The following ZFP92 variants were observed in gnomAD, a reference collection of about 807,000 sequenced individuals.
ZFP92 encodes the protein ZFP92 zinc finger protein.
Under a neutral mutation model 7.6 loss-of-function variants are expected in ZFP92, and 2 were observed. The ratio of observed to expected loss-of-function variants is 0.26; its 90% CI spans 0.11 to 0.83. The LOEUF is 0.83. ZFP92 is among the 40% of genes least tolerant of loss of function. ZFP92 has a pLI of 0.65. For missense variants in ZFP92, 324 were observed against 408.3 expected, an observed-to-expected ratio of 0.79 and a Z score of 1.78; for synonymous variants, 226 against 183.6, an observed-to-expected ratio of 1.23 and a Z score of -1.87.
rs1166478463 is a variant in ZFP92, at chrX:153,418,307, C to T, written c.-16C>T. The T allele has an allele frequency of 1.7e-6, 2 of 1,165,763 alleles. No homozygotes were observed. Among genetic ancestry groups the T allele is most frequent in the African/African-American group, 1.8e-5 (1 of 55,589 alleles). ...GGGGCTCTTTGCATTTCCCTTAGCT[C>T]CTCTGCGCCCTGGTGATGGCAGCCA... On this transcript the variant is annotated splice_region_variant and 5_prime_UTR_variant, in exon 3 of 6. Transcript: ENST00000338647.
intron 2 of ZFP92, among the ~76,000 whole-genome samples, chrX:153,414,990 C>T (rs966550370): frequency 1.8e-5 from 2 of 113,502 alleles, no homozygotes; most frequent in Admixed American, 9.2e-5. Context: ...ACCCGGGGAC[C>T]GGGAAACAGC....
In ZFP92 at chrX:153,420,229, A is replaced by G. The variant is rs1206349782; in HGVS notation, c.162A>G (p.Gly54=). Residue 54 remains glycine, a splice_region_variant and synonymous_variant, in exon 5 of 6, where the codon GGA becomes GGG. Transcript: ENST00000338647. ...ACCTGCTTCATATTCCACGCCCAGG[A>G]TTTTCCTTCTCCAAGCCTCACCTGA... ...LENYSHLVSL[G]FSFSKPHLIS... The G allele has an allele frequency of 8.6e-6, 10 of 1,163,812 alleles. No individual in the cohort carries two copies. The highest frequency in any genetic ancestry group is 1.1e-5 in the Non-Finnish European group (10 of 871,487).
chrX:153,413,188 CA>C (rs1403358263), intron 2 of ZFP92, among the ~76,000 whole-genome samples: 5 of 108,876 alleles, frequency 4.6e-5, no homozygotes, highest in African/African-American at 1.7e-4. Flanking sequence ...TGAAAAAGCC[CA>C]AATTCCTGCT....
chrX:153,418,145 G>C (rs1437703712), intron 2 of ZFP92, among the ~76,000 whole-genome samples, 160 bp from the exon 3 acceptor site: 1 of 112,297 alleles, frequency 8.9e-6, no homozygotes. Context: ...CAGAAGGTCT[G>C]ATGGTGAGGG....
intron 2 of ZFP92, among the ~76,000 whole-genome samples, chrX:153,412,702 G>A (rs1184330230): frequency 8.9e-6 from 1 of 111,903 alleles, no homozygotes; most frequent in Non-Finnish European, 1.9e-5. Flanking sequence ...GCTCAAGGGA[G>A]CAAGAGTGTG....
rs1001339850 is a variant in ZFP92, at chrX:153,422,623, C to T, written c.*995C>T. On this transcript the variant is annotated 3_prime_UTR_variant, in exon 6 of 6. Transcript: ENST00000338647. Reference sequence around the variant, plus strand: ...CACTTACCTGCTCCTCCCCATCAGGCAGCCTCTCTTGCGGCTGGTGACGAT... The same window carrying T: ...CACTTACCTGCTCCTCCCCATCAGGTAGCCTCTCTTGCGGCTGGTGACGAT... The T allele has an allele frequency of 9.0e-6, 1 of 110,520 alleles. No individual in the cohort carries two copies. Among genetic ancestry groups the T allele is most frequent in the African/African-American group, 3.3e-5 (1 of 30,310 alleles). The allele number at this position is 110,520 out of a possible 1,213,427, so 9.1% of individuals were successfully genotyped here.
At position 153,424,889 on chromosome X, in the gene ZFP92, G is replaced by A. The variant is rs1054268579; in HGVS notation, c.*3261G>A. 5 of 112,994 alleles carry A rather than the reference G, an allele frequency of 4.4e-5. No individual in the cohort carries two copies. The highest frequency in any genetic ancestry group is 1.6e-4 in the African/African-American group (5 of 31,114). 9.3% of individuals were successfully genotyped at this position (112,994 alleles called of 1,213,427 possible). A position where few individuals can be genotyped will look rare whatever the true frequency, so the allele number is the denominator to read the frequency against. On this transcript the variant is annotated 3_prime_UTR_variant, in exon 6 of 6. Coordinates refer to ENST00000338647, the MANE Select transcript of ZFP92 (RefSeq NM_001136273.2). ...TTTAAACTACATGGATAGGCCTTGG[G>A]TTCAAGGTTACAGGAAAGGCTGTAA...
Position 153,420,998 on chromosome X carries a change from C to G in ZFP92, c.621C>G (p.Pro207=). ...AGCGCATCCACAGCGGCGAGAAGCCCTACGCCTGCCCCGAGTGCAGCAAGA... is the reference window on the plus strand; with the variant it reads ...AGCGCATCCACAGCGGCGAGAAGCCGTACGCCTGCCCCGAGTGCAGCAAGA... ...EHQRIHSGEK[P]YACPECSKTF... is the part of the protein sequence containing the mutation. The change falls in exon 6 of 6, where the codon CCC becomes CCG. Residue 207 remains proline, a synonymous_variant. Coordinates refer to ENST00000338647, the MANE Select transcript of ZFP92 (RefSeq NM_001136273.2). 1 of 1,200,799 alleles carries G rather than the reference C, an allele frequency of 8.3e-7. No individual in the cohort carries two copies. The highest frequency in any genetic ancestry group is 1.1e-6 in the Non-Finnish European group (1 of 889,914).
chrX:153,416,639 G>A (rs149827077), intron 2 of ZFP92, among the ~76,000 whole-genome samples: 1 of 112,047 alleles, frequency 8.9e-6, no homozygotes, highest in East Asian at 2.8e-4. Flanking sequence ...AGGCAGAGAA[G>A]CAGAGAAACC....
chrX:153,420,635 C>G lies in ZFP92; in HGVS notation c.266-8C>G, dbSNP rs1161902746. Reference sequence around the variant, plus strand: ...AGGGTGACACTGCCTGGTGCTCTGTCTTTCCAGGTGACAGAACACAGAGCA... The same window carrying G: ...AGGGTGACACTGCCTGGTGCTCTGTGTTTCCAGGTGACAGAACACAGAGCA... On this transcript the variant is annotated splice_region_variant and splice_polypyrimidine_tract_variant and intron_variant, in intron 5 of 5. Transcript: ENST00000338647. The G allele has an allele frequency of 3.6e-6, 4 of 1,105,046 alleles. No individual in the cohort carries two copies. Among genetic ancestry groups the G allele is most frequent in the Non-Finnish European group, 4.7e-6 (4 of 843,455 alleles). The allele number at this position is 1,105,046 out of a possible 1,213,427, so 91.1% of individuals were successfully genotyped here.
chrX:153,420,422 G>A, intron 5 of ZFP92, 90 bp downstream of exon 5: 2 of 947,663 alleles, frequency 2.1e-6, no homozygotes, highest in South Asian at 5.0e-5. Flanking sequence ...TGCCGCTTTG[G>A]GTGGGAAATC....
At chrX:153,416,512 A>G (rs1472949157) in intron 2 of ZFP92, among the ~76,000 whole-genome samples, 1 of 111,295 alleles carries the variant, frequency 9.0e-6, no homozygotes, top group African/African-American at 3.3e-5. Flanking sequence ...GTCCTTCTCT[A>G]TGCTCCTGGG....
Position 153,418,337 on chromosome X carries a change from C to T in ZFP92, c.15C>T (p.Leu5=). 2 of 1,167,843 alleles carry T rather than the reference C, an allele frequency of 1.7e-6. No homozygotes were observed. Among genetic ancestry groups the T allele is most frequent in the Non-Finnish European group, 2.3e-6 (2 of 872,999 alleles). Residue 5 remains leucine (L), a synonymous_variant, in exon 3 of 6, where the codon CTC becomes CTT. Transcript: ENST00000338647. ...GCGCCCTGGTGATGGCAGCCATTCTCCTGACCACGAGACCCAAGGTGAGTG... is the reference window on the plus strand; with the variant it reads ...GCGCCCTGGTGATGGCAGCCATTCTTCTGACCACGAGACCCAAGGTGAGTG... MAAI[L]LTTRPKVPVS... is the part of the protein sequence containing the mutation.
In ZFP92 at chrX:153,421,239, G is replaced by A. The variant is rs1556975058; in HGVS notation, c.862G>A (p.Gly288Ser). 1.3e-5 allele frequency: 15 copies of A among 1,179,166 alleles called. No individual in the cohort carries two copies. The highest frequency in any genetic ancestry group is 1.6e-5 in the Non-Finnish European group (14 of 879,599). Residue 288 changes from glycine (G) to serine (S), a missense_variant, in exon 6 of 6, where the codon GGC becomes AGC. Transcript: ENST00000338647. ...CATCGAGCACCAGCGCACGCACCGCGGCGAGAAGCCCTACGCCTGCGGCCA... is the reference window on the plus strand; with the variant it reads ...CATCGAGCACCAGCGCACGCACCGCAGCGAGAAGCCCTACGCCTGCGGCCA... ...NLIEHQRTHRGEKPYACGQCA... is the reference protein window; with the variant it reads ...NLIEHQRTHRSEKPYACGQCA...
rs1556975086 is a variant in ZFP92, at chrX:153,421,322, C to T, written c.945C>T (p.Ser315=). 3.4e-6 allele frequency: 4 copies of T among 1,168,569 alleles called. No homozygotes were observed. Among genetic ancestry groups the T allele is most frequent in the East Asian group, 3.2e-5 (1 of 31,233 alleles). Residue 315 remains serine, a synonymous_variant, in exon 6 of 6, where the codon AGC becomes AGT. Transcript: ENST00000338647. The part of the protein sequence containing the change: ...SQLIHHQRSH[S]GERPFACREC... ...TCATCCACCACCAGCGCAGCCACAG[C>T]GGCGAGCGGCCCTTCGCGTGCCGCG...
chrX:153,416,899 T>G (rs1218463564), intron 2 of ZFP92, among the ~76,000 whole-genome samples: 5 of 111,168 alleles, frequency 4.5e-5, no homozygotes, highest in Non-Finnish European at 9.4e-5. Context: ...TGTGCAGAGA[T>G]CACGTGGCCA....
rs782402435 is a variant in ZFP92, at chrX:153,423,682, G to C, written c.*2054G>C. The C allele has an allele frequency of 8.8e-6, 1 of 113,589 alleles. No individual in the cohort carries two copies. Among genetic ancestry groups the C allele is most frequent in the Non-Finnish European group, 1.9e-5 (1 of 53,500 alleles). The allele number at this position is 113,589 out of a possible 1,213,427, so 9.4% of individuals were successfully genotyped here. A position where few individuals can be genotyped will look rare whatever the true frequency, so the allele number is the denominator to read the frequency against. On this transcript the variant is annotated 3_prime_UTR_variant, in exon 6 of 6. Coordinates refer to ENST00000338647, the MANE Select transcript of ZFP92 (RefSeq NM_001136273.2). ...CCTCAGACTCAGGCTTGGGACCATT[G>C]TCGGCTCCAGCCTTGCCTTGAGGCA...
intron 2 of ZFP92, among the ~76,000 whole-genome samples, chrX:153,417,417 C>T (rs2088961771): frequency 8.9e-6 from 1 of 112,108 alleles, no homozygotes; most frequent in Non-Finnish European, 1.9e-5. Context: ...AGAGAGCACC[C>T]CCACTACTGT....
Position 153,412,323 on chromosome X carries a change from G to A in ZFP92, c.-19+310G>A, listed in dbSNP as rs782041573. ...AGCTGGGCAGAAAGCGGCACCCAGC[G>A]CTTCCCTACAGGGCTAGTTGTGACT... On this transcript the variant is annotated intron_variant, in intron 2 of 5. Transcript: ENST00000338647. Among the ~76,000 whole-genome samples, 54 of 112,367 alleles carry A rather than the reference G, an allele frequency of 4.8e-4. No individual in the cohort carries two copies. In the Admixed American group the frequency reaches 4.9e-3, roughly 10 times the overall value.
Sources: allele counts gnomAD v4.1 joint callset (sites outside exome capture counted in the v4.1 genomes callset), GRCh38; gene constraint gnomAD v4.1.1; transcripts MANE v1.5; gene names NCBI Gene and HGNC (gene_info 2026-07-23, HGNC 2026-07-21).